NBN: variants seen among roughly 807,000 people sequenced by gnomAD.
NBN encodes nibrin, also known as Nijmegen breakage syndrome 1 (nibrin).
Under a neutral mutation model 90.8 loss-of-function variants are expected in NBN, and 88 were observed. That is an observed-to-expected ratio of 0.97 (90% CI 0.82 to 1.16). NBN has a LOEUF of 1.16. NBN is among the 50% of genes most tolerant of loss of function. NBN has a pLI of 0.00. For synonymous variants in NBN, 328 were observed against 295.1 expected (o/e 1.11, Z -1.14); for missense variants, 894 against 869.6 (o/e 1.03, Z -0.35).
intron 9 of NBN, among the ~76,000 whole-genome samples, chr8:89,955,936 T>C (rs77697452): frequency 1.3e-5 from 2 of 151,764 alleles, no homozygotes. Context: ...GGTACTTTCA[T>C]TATTATTTAT....
At chr8:89,976,712 T>C (rs1428259834) in intron 5 of NBN, among the ~76,000 whole-genome samples, 1 of 152,212 alleles carries the variant, frequency 6.6e-6, no homozygotes, top group African/African-American at 2.4e-5. Context: ...AGTGCATTTG[T>C]TCATCTGTCG....
intron 10 of NBN, 87 bp from the exon 11 acceptor site, chr8:89,953,778 T>A: frequency 1.0e-6 from 1 of 961,032 alleles, no homozygotes; most frequent in Non-Finnish European, 1.6e-6. Flanking sequence ...CATCACTCCC[T>A]CCATTTAGTT....
At chr8:89,955,978 A>T (rs191105489) in intron 9 of NBN, among the ~76,000 whole-genome samples, 5 of 151,848 alleles carry the variant, frequency 3.3e-5, no homozygotes, top group Admixed American at 1.3e-4. Context: ...TTTTATTAAA[A>T]ATGGAAAATC....
intron 8 of NBN, 78 bp downstream of exon 8, chr8:89,964,332 A>G: frequency 6.7e-7 from 1 of 1,484,248 alleles, no homozygotes; most frequent in East Asian, 2.3e-5. Flanking sequence ...CCTAGCAAGT[A>G]TATGAGTAAC....
At chr8:89,955,958 T>C (rs1005344307) in intron 9 of NBN, among the ~76,000 whole-genome samples, 3 of 151,722 alleles carry the variant, frequency 2.0e-5, no homozygotes, top group African/African-American at 7.2e-5. Context: ...ATTATATTAT[T>C]ATAGTACCTT....
chr8:89,968,558 C>T (rs980807589), intron 7 of NBN, among the ~76,000 whole-genome samples: 2 of 152,144 alleles, frequency 1.3e-5, no homozygotes, highest in Non-Finnish European at 2.9e-5. Context: ...TTTATACATA[C>T]ATAAATTCTT....
At chr8:89,970,142 A>C (rs1316331686) in intron 7 of NBN, among the ~76,000 whole-genome samples, 2 of 151,652 alleles carry the variant, frequency 1.3e-5, no homozygotes, top group Non-Finnish European at 2.9e-5. Flanking sequence ...GCAGCTACTC[A>C]GGAGACTAAG....
intron 4 of NBN, 62 bp downstream of exon 4, chr8:89,980,672 T>A: frequency 7.1e-7 from 1 of 1,418,182 alleles, no homozygotes; most frequent in East Asian, 2.3e-5. Flanking sequence ...AATCTGTGTA[T>A]AGTGGGTAAG....
chr8:89,971,427 T>C (rs1811515615), intron 5 of NBN, 137 bp from the exon 6 acceptor site: 2 of 1,043,052 alleles, frequency 1.9e-6, no homozygotes, highest in East Asian at 6.1e-5. Context: ...GTAAGAATTT[T>C]ATCTGGGACA....
intron 11 of NBN, among the ~76,000 whole-genome samples, chr8:89,951,769 CCT>C (rs1284511004): frequency 2.0e-5 from 3 of 147,482 alleles, no homozygotes; most frequent in Non-Finnish European, 3.0e-5. Context: ...AAAAAAAAAA[CCT>C]CTGTCTCTGA....
At chr8:89,970,218 C>T (rs1586085903) in intron 7 of NBN, 146 bp downstream of exon 7, 2 of 663,280 alleles carry the variant, frequency 3.0e-6, no homozygotes, top group South Asian at 1.9e-5. Context: ...CACTGCACTC[C>T]AGCCTGGGCA....
chr8:89,984,336 T>G (rs1431999483), intron 1 of NBN, 189 bp downstream of exon 1: 3 of 655,044 alleles, frequency 4.6e-6, no homozygotes, highest in Non-Finnish European at 8.3e-6. Context: ...CGCGCTGAAT[T>G]CCAGCTCACA....
intron 7 of NBN, among the ~76,000 whole-genome samples, chr8:89,966,735 G>T (rs568707255): frequency 2.0e-5 from 3 of 152,244 alleles, no homozygotes; most frequent in South Asian, 4.2e-4. Context: ...GGATGCTTCC[G>T]AAGAAGAGCA....
intron 9 of NBN, among the ~76,000 whole-genome samples, chr8:89,956,702 A>G (rs1246935292): frequency 6.6e-6 from 1 of 152,228 alleles, no homozygotes; most frequent in East Asian, 1.9e-4. Context: ...AAACTATCCT[A>G]AGACAGGAGT....
Position 89,964,462 on chromosome 8 carries a change from C to T in NBN, c.942G>A (p.Val314=), listed in dbSNP as rs749757928. The change falls in exon 8 of 16, where the codon GTG becomes GTA. Residue 314 remains valine, a synonymous_variant. Coordinates refer to ENST00000265433, the MANE Select transcript of NBN (RefSeq NM_002485.5). The stretch of plus-strand genomic sequence containing the variant: ...AGTAATTCTTTGTAGTCATGAAAAT[C>T]ACCGCCAATCCAATTTCTGCTTCAG... The part of the protein sequence containing the change: ...PIPEAEIGLA[V]IFMTTKNYCD... 5 of 1,612,910 alleles carry T rather than the reference C, an allele frequency of 3.1e-6. No individual in the cohort carries two copies. The highest frequency in any genetic ancestry group is 1.7e-4 in the Middle Eastern group (1 of 6,056).
rs199845467 is a variant in NBN at position 89,971,204 on chromosome 8, C to T, written c.671G>A (p.Gly224Glu). The T allele has an allele frequency of 5.0e-5, 81 of 1,612,740 alleles. 1 individual carries two copies. Among genetic ancestry groups the T allele is most frequent in the Middle Eastern group, 1.6e-4 (1 of 6,074 alleles). Residue 224 changes from glycine (G) to glutamate (E), a missense_variant, in exon 6 of 16, where the codon GGG becomes GAG. By Grantham distance (98) the Gly-to-Glu change is moderately conservative. Transcript: ENST00000265433. The stretch of plus-strand genomic sequence containing the variant: ...GGCATTCAAAAATATAAATGTTTTC[C>T]CTTTGAAGATTTGTTTTCTTTCCTG... ...GRQERKQIFK[G>E]KTFIFLNAKQ... is the part of the protein sequence containing the mutation.
At chr8:89,961,131 C>A (rs1440802270) in intron 8 of NBN, among the ~76,000 whole-genome samples, 1 of 152,126 alleles carries the variant, frequency 6.6e-6, no homozygotes, top group Admixed American at 6.6e-5. Context: ...TAGTTATGTA[C>A]CTTAACTTTT....
At position 89,984,608 on chromosome 8, in the gene NBN, G is replaced by C. The variant is rs1057524568; in HGVS notation, c.-47C>G. 4 of 1,608,772 alleles carry C rather than the reference G, an allele frequency of 2.5e-6. No homozygotes were observed. In the Admixed American group the frequency reaches 5.0e-5, roughly 20 times the overall value. ...GGGCCGACGTGCAACCGCGTAACCG[G>C]GGCTGCTAGACGAGCGCGGATACGG... On this transcript the variant is annotated 5_prime_UTR_variant, in exon 1 of 16. Transcript: ENST00000265433.
chr8:89,976,563 G>C (rs1380513670), intron 5 of NBN, among the ~76,000 whole-genome samples: 2 of 152,154 alleles, frequency 1.3e-5, no homozygotes, highest in African/African-American at 4.8e-5. Flanking sequence ...CAAAGCCTTT[G>C]CCATTATATC....
Sources: allele counts gnomAD v4.1 joint callset (sites outside exome capture counted in the v4.1 genomes callset), GRCh38; gene constraint gnomAD v4.1.1; transcripts MANE v1.5; gene names NCBI Gene and HGNC (gene_info 2026-07-23, HGNC 2026-07-21).